Variants in RERE observed in about 807,000 individuals in gnomAD.
RERE encodes the protein arginine-glutamic acid dipeptide repeats protein.
Under a neutral mutation model 146.1 loss-of-function variants are expected in RERE, and 40 were observed. The ratio of observed to expected loss-of-function variants is 0.27; its 90% CI spans 0.21 to 0.36. The LOEUF is 0.36. Among genes scored for constraint, RERE ranks in the 10% least tolerant of loss-of-function variants. The pLI, the probability that RERE is intolerant of heterozygous loss-of-function variation, is 1.00. For synonymous variants in RERE, 1,003 were observed against 866.0 expected, an observed-to-expected ratio of 1.16 and a Z score of -2.78; for missense variants, 1,933 against 2,138.7, an observed-to-expected ratio of 0.90 and a Z score of 1.90.
Position 8,614,627 on chromosome 1 carries a change from T to C in RERE, c.456A>G (p.Ala152=). 1 of 1,613,000 alleles carries C rather than the reference T, an allele frequency of 6.2e-7. No individual in the cohort carries two copies. Among genetic ancestry groups the C allele is most frequent in the Non-Finnish European group, 8.5e-7 (1 of 1,179,458 alleles). The change falls in exon 4 of 23, where the codon GCA becomes GCG. Residue 152 remains alanine, a synonymous_variant. Transcript: ENST00000400908. ...SPTPALCDPP[A]CSLPVASQPP... ...GCTGTGATGCCACCGGCAGAGAGCA[T>C]GCTGGGGGGTCACACAAAGCAGGAG...
intron 4 of RERE, among the ~76,000 whole-genome samples, chr1:8,602,305 C>G (rs1275117286): frequency 6.6e-6 from 1 of 151,524 alleles, no homozygotes; most frequent in Non-Finnish European, 1.5e-5. Context: ...GCAGGAGAAT[C>G]ACTTGAACCT....
At chr1:8,437,007 G>A (rs1383873394) in intron 11 of RERE, among the ~76,000 whole-genome samples, 1 of 152,092 alleles carries the variant, frequency 6.6e-6, no homozygotes, top group Non-Finnish European at 1.5e-5. Context: ...TATTAGGGAG[G>A]CAAAATAACT....
At chr1:8,459,278 C>T (rs182666417) in intron 11 of RERE, among the ~76,000 whole-genome samples, 2 of 152,156 alleles carry the variant, frequency 1.3e-5, no homozygotes, top group Non-Finnish European at 2.9e-5. Context: ...ATTAAGAATA[C>T]ATAATATGGA....
chr1:8,554,204 A>C (rs1439480173), intron 6 of RERE, among the ~76,000 whole-genome samples: 1 of 152,134 alleles, frequency 6.6e-6, no homozygotes. Context: ...AGATTCTACA[A>C]ATCTCAATAC....
At chr1:8,814,599 ACTC>A (rs1641875558) in intron 1 of RERE, among the ~76,000 whole-genome samples, 1 of 151,872 alleles carries the variant, frequency 6.6e-6, no homozygotes, top group Non-Finnish European at 1.5e-5. Flanking sequence ...CCCTCCTTCA[ACTC>A]CTCCTCTACC....
At chr1:8,693,516 C>T (rs1371558756) in intron 1 of RERE, among the ~76,000 whole-genome samples, 3 of 151,874 alleles carry the variant, frequency 2.0e-5, no homozygotes, top group African/African-American at 4.8e-5. Flanking sequence ...TGTATGAGTC[C>T]AGTTATATGA....
chr1:8,630,457 T>C (rs910437898), intron 2 of RERE, among the ~76,000 whole-genome samples: 1 of 152,158 alleles, frequency 6.6e-6, no homozygotes, highest in Non-Finnish European at 1.5e-5. Flanking sequence ...GCTCTATCAA[T>C]ATGAACAAAA....
At chr1:8,621,881 G>C (rs2124218525) in intron 3 of RERE, among the ~76,000 whole-genome samples, 1 of 152,282 alleles carries the variant, frequency 6.6e-6, no homozygotes, top group South Asian at 2.1e-4. Context: ...AATAAGTACA[G>C]AGAAGTAAGA....
In RERE at chr1:8,414,287, C is replaced by T. The variant is rs1643699267; in HGVS notation, c.1284+8440G>A. 3.3e-5 allele frequency among the ~76,000 whole-genome samples: 5 copies of T among 152,234 alleles called. No individual in the cohort carries two copies. In the South Asian group the frequency reaches 1.0e-3, roughly 32 times the overall value. On this transcript the variant is annotated intron_variant, in intron 12 of 22. Coordinates refer to ENST00000400908, the MANE Select transcript of RERE (RefSeq NM_001042681.2). ...GTCGGCCGGGCGTGGTGGCTCACACCTGTAATCCCAGCACTTTGGGAGGCA... is the reference window on the plus strand; with the variant it reads ...GTCGGCCGGGCGTGGTGGCTCACACTTGTAATCCCAGCACTTTGGGAGGCA...
chr1:8,671,771 A>C (rs1306411228), intron 1 of RERE, among the ~76,000 whole-genome samples: 5 of 152,246 alleles, frequency 3.3e-5, no homozygotes, highest in Non-Finnish European at 7.3e-5. Context: ...AATGAAATTT[A>C]ATGGGTTCGC....
intron 12 of RERE, among the ~76,000 whole-genome samples, chr1:8,386,020 A>ATTTT (rs1557603339): frequency 1.1e-3 from 41 of 36,680 alleles, no homozygotes; most frequent in South Asian, 6.6e-3. Context: ...ATATATATAT[A>ATTTT]TATTTTTTTT....
At chr1:8,631,980 G>A (rs1026143688) in intron 2 of RERE, among the ~76,000 whole-genome samples, 3 of 152,118 alleles carry the variant, frequency 2.0e-5, no homozygotes, top group African/African-American at 7.2e-5. Flanking sequence ...ATTTCCTAAA[G>A]CTTAAAAATG....
intron 6 of RERE, among the ~76,000 whole-genome samples, chr1:8,548,094 C>CA (rs1570422582): frequency 1.3e-5 from 2 of 152,204 alleles, no homozygotes; most frequent in African/African-American, 2.4e-5. Flanking sequence ...GAGCAAAGTA[C>CA]AAAAGACCAT....
intron 1 of RERE, among the ~76,000 whole-genome samples, chr1:8,722,476 A>G (rs944524995): frequency 3.9e-5 from 6 of 152,178 alleles, no homozygotes; most frequent in African/African-American, 1.2e-4. Context: ...CTCCTCTTTT[A>G]TAAGTGAGCA....
chr1:8,579,993 G>C (rs1277218593), intron 4 of RERE, among the ~76,000 whole-genome samples: 2 of 152,134 alleles, frequency 1.3e-5, no homozygotes, highest in South Asian at 4.1e-4. Context: ...GAGAGAGCAA[G>C]ACTCCATCTC....
intron 1 of RERE, among the ~76,000 whole-genome samples, chr1:8,815,001 A>G (rs2124611910): frequency 6.6e-6 from 1 of 152,336 alleles, no homozygotes; most frequent in East Asian, 1.9e-4. Flanking sequence ...CTGCGCTTAA[A>G]AGAAAATCAT....
chr1:8,738,313 C>T (rs1344081770), intron 1 of RERE, among the ~76,000 whole-genome samples: 1 of 151,814 alleles, frequency 6.6e-6, no homozygotes, highest in Non-Finnish European at 1.5e-5. Flanking sequence ...GATGGAGTCT[C>T]GCTCTGTCAC....
At chr1:8,368,307 T>TA (rs376520387) in intron 12 of RERE, among the ~76,000 whole-genome samples, 12 of 151,316 alleles carry the variant, frequency 7.9e-5, no homozygotes, top group African/African-American at 1.5e-4. Context: ...CTGTCTCTAC[T>TA]AAAAAAAATA....
At chr1:8,458,692 G>A (rs556230473) in intron 11 of RERE, among the ~76,000 whole-genome samples, 147 of 152,144 alleles carry the variant, frequency 9.7e-4, no homozygotes, top group African/African-American at 3.1e-3. Context: ...AAAAAGTACC[G>A]GTTAAAGACA....
Sources: gnomAD v4.1 joint callset for allele counts (sites outside exome capture counted in the v4.1 genomes callset) on GRCh38, gnomAD v4.1.1 for gene constraint, MANE v1.5 for transcripts, NCBI Gene and HGNC (gene_info 2026-07-23, HGNC 2026-07-21) for gene names.